Variants in PRR16 observed in about 807,000 individuals in gnomAD.
PRR16 encodes protein Largen.
In PRR16, 6 loss-of-function variants were observed where a neutral mutation model predicts 18.2. The ratio of observed to expected loss-of-function variants is 0.33; its 90% CI spans 0.18 to 0.65. The LOEUF (loss-of-function observed/expected upper bound fraction) is 0.65. PRR16 is among the 30% of genes least tolerant of loss of function. The pLI, the probability that PRR16 is intolerant of heterozygous loss-of-function variation, is 0.74. For synonymous variants in PRR16, 151 were observed against 147.8 expected, an observed-to-expected ratio of 1.02 and a Z score of -0.16; for missense variants, 412 against 376.6, an observed-to-expected ratio of 1.09 and a Z score of -0.78.
the PRR16 span, among the ~76,000 whole-genome samples, chr5:120,701,950 G>A: frequency 7.9e-5 from 12 of 152,098 alleles, no homozygotes; most frequent in African/African-American, 2.2e-4. Flanking sequence ...GGGGTCAAGC[G>A]GCATTGCAGA....
At chr5:120,745,446 A>C in the PRR16 span, among the ~76,000 whole-genome samples, 1 of 152,156 alleles carries the variant, frequency 6.6e-6, no homozygotes, top group South Asian at 2.1e-4. Flanking sequence ...ATGGATTTTT[A>C]GCAGATTTTT....
At chr5:120,704,826 A>T in the PRR16 span, among the ~76,000 whole-genome samples, 12 of 152,348 alleles carry the variant, frequency 7.9e-5, no homozygotes, top group East Asian at 2.3e-3. Context: ...GAGACAGTAT[A>T]TAGTCAGTAC....
intron 1 of PRR16, among the ~76,000 whole-genome samples, chr5:120,561,704 C>A (rs1752579878): frequency 1.3e-5 from 2 of 152,040 alleles, no homozygotes; most frequent in African/African-American, 4.8e-5. Flanking sequence ...TAGGAGGGAC[C>A]CAGTGGGAGA....
intron 1 of PRR16, among the ~76,000 whole-genome samples, chr5:120,628,728 A>ATCTG (rs1226428835): frequency 1.3e-5 from 2 of 151,182 alleles, no homozygotes; most frequent in African/African-American, 4.9e-5. Context: ...CTATCTATCT[A>ATCTG]TCTATCTATC....
chr5:120,729,313 C>T, the PRR16 span, among the ~76,000 whole-genome samples: 6 of 152,262 alleles, frequency 3.9e-5, no homozygotes, highest in East Asian at 1.9e-4. Context: ...AGCTGTGTGG[C>T]CATAGGTAAA....
At chr5:120,764,586 A>G in the PRR16 span, among the ~76,000 whole-genome samples, 1 of 152,028 alleles carries the variant, frequency 6.6e-6, no homozygotes, top group Non-Finnish European at 1.5e-5. Flanking sequence ...GAGGTGGCCT[A>G]TTAACTATGG....
At chr5:120,749,286 A>G in the PRR16 span, among the ~76,000 whole-genome samples, 2 of 152,152 alleles carry the variant, frequency 1.3e-5, no homozygotes, top group African/African-American at 4.8e-5. Flanking sequence ...TAAATTGAGC[A>G]TTCAAATTTT....
chr5:120,491,460 TTTCCTTTCCTTTC>T (rs1580640375), intron 1 of PRR16, among the ~76,000 whole-genome samples: 1 of 106,378 alleles, frequency 9.4e-6, no homozygotes, highest in East Asian at 2.1e-4. Context: ...TTTCCTTTCC[TTTCCTTTCCTTTC>T]CTTTCCTTTC....
chr5:120,515,056 A>G (rs1416302827), intron 1 of PRR16, among the ~76,000 whole-genome samples: 1 of 152,214 alleles, frequency 6.6e-6, no homozygotes, highest in Non-Finnish European at 1.5e-5. Flanking sequence ...TATATACAAC[A>G]GAATTTTATT....
chr5:120,627,771 T>C (rs901512878), intron 1 of PRR16, among the ~76,000 whole-genome samples: 1 of 152,092 alleles, frequency 6.6e-6, no homozygotes, highest in African/African-American at 2.4e-5. Context: ...CCCCAAAATA[T>C]TCTGAATGGC....
the PRR16 span, among the ~76,000 whole-genome samples, chr5:120,763,013 C>G: frequency 1.6e-4 from 24 of 152,080 alleles, no homozygotes; most frequent in African/African-American, 5.1e-4. Flanking sequence ...GCCTCATGTA[C>G]TAAAGATAAT....
chr5:120,765,830 T>TTGTC, the PRR16 span, among the ~76,000 whole-genome samples: 1 of 152,046 alleles, frequency 6.6e-6, no homozygotes, highest in Admixed American at 6.6e-5. Flanking sequence ...CTGTTTAGTT[T>TTGTC]TGTCTGTTTT....
the PRR16 span, among the ~76,000 whole-genome samples, chr5:120,760,134 T>G: frequency 6.6e-6 from 1 of 152,146 alleles, no homozygotes; most frequent in Admixed American, 6.5e-5. Flanking sequence ...ATAATTGAAT[T>G]GAATAATTAA....
the PRR16 span, among the ~76,000 whole-genome samples, chr5:120,759,295 A>G: frequency 6.6e-6 from 1 of 151,998 alleles, no homozygotes; most frequent in Non-Finnish European, 1.5e-5. Context: ...ATTTCTTAAA[A>G]TTTCCCTTAT....
At chr5:120,614,656 G>A (rs1754447849) in intron 1 of PRR16, among the ~76,000 whole-genome samples, 1 of 152,196 alleles carries the variant, frequency 6.6e-6, no homozygotes, top group South Asian at 2.1e-4. Context: ...GCTTGTAGTT[G>A]GCAGGAATGT....
the PRR16 span, among the ~76,000 whole-genome samples, chr5:120,723,873 T>A: frequency 6.6e-6 from 1 of 151,972 alleles, no homozygotes; most frequent in Non-Finnish European, 1.5e-5. Context: ...TTGAGGCTAT[T>A]AATTTTATTT....
the PRR16 span, among the ~76,000 whole-genome samples, chr5:120,702,478 G>C: frequency 5.3e-4 from 80 of 152,186 alleles, no homozygotes; most frequent in African/African-American, 1.9e-3. Context: ...GAGAGAAGGG[G>C]TTGGGGTACT....
the PRR16 span, among the ~76,000 whole-genome samples, chr5:120,770,642 G>C: frequency 6.6e-6 from 1 of 151,982 alleles, no homozygotes; most frequent in East Asian, 1.9e-4. Context: ...ACAATCTAAA[G>C]AATGAGAGAA....
chr5:120,586,476 G>A (rs1019905518), intron 1 of PRR16, among the ~76,000 whole-genome samples: 16 of 151,928 alleles, frequency 1.1e-4, no homozygotes, highest in African/African-American at 3.9e-4. Flanking sequence ...TAGCAAATTT[G>A]TCAGCACTTT....
Sources: allele counts gnomAD v4.1 joint callset (sites outside exome capture counted in the v4.1 genomes callset), GRCh38; gene constraint gnomAD v4.1.1; transcripts MANE v1.5; gene names NCBI Gene and HGNC (gene_info 2026-07-23, HGNC 2026-07-21).